Variants in PIK3C2G observed in about 807,000 individuals in gnomAD.
PIK3C2G encodes the protein phosphatidylinositol-4-phosphate 3-kinase catalytic subunit type 2 gamma.
In PIK3C2G, 168 loss-of-function variants were observed where a neutral mutation model predicts 181.1. The observed-to-expected ratio is 0.93, with a 90% confidence interval of 0.82 to 1.05. The LOEUF is 1.05. PIK3C2G is among the 50% of genes least tolerant of loss of function. The pLI is 0.00. For missense variants in PIK3C2G, 1,869 were observed against 1,732.8 expected, an observed-to-expected ratio of 1.08 and a Z score of -1.40; for synonymous variants, 573 against 592.2, an observed-to-expected ratio of 0.97 and a Z score of 0.47.
intron 5 of PIK3C2G, among the ~76,000 whole-genome samples, chr12:18,309,216 C>T (rs187265846): frequency 1.4e-3 from 219 of 151,706 alleles, no homozygotes; most frequent in African/African-American, 4.8e-3. Flanking sequence ...TTTTTTTACC[C>T]ATGCAAGATT....
At chr12:18,710,897 A>G in the PIK3C2G span, among the ~76,000 whole-genome samples, 1 of 152,096 alleles carries the variant, frequency 6.6e-6, no homozygotes, top group Non-Finnish European at 1.5e-5. Flanking sequence ...GGTGCTGGAG[A>G]GGATGTGGAG....
intron 25 of PIK3C2G, among the ~76,000 whole-genome samples, chr12:18,545,637 T>A (rs1394807317): frequency 6.6e-6 from 1 of 151,950 alleles, no homozygotes; most frequent in Non-Finnish European, 1.5e-5. Flanking sequence ...TCCTGATAAT[T>A]GGCAGGAAAA....
intron 18 of PIK3C2G, among the ~76,000 whole-genome samples, chr12:18,484,270 A>G (rs1939830571): frequency 6.6e-6 from 1 of 152,194 alleles, no homozygotes; most frequent in Non-Finnish European, 1.5e-5. Context: ...CAGTGTGGGA[A>G]CAGTGGGAAC....
intron 18 of PIK3C2G, among the ~76,000 whole-genome samples, chr12:18,438,746 G>C (rs1946577104): frequency 6.6e-6 from 1 of 151,788 alleles, no homozygotes; most frequent in South Asian, 2.1e-4. Flanking sequence ...AAGATTTGGA[G>C]AAAAACATAC....
chr12:18,552,877 T>A (rs1944805952), intron 26 of PIK3C2G, among the ~76,000 whole-genome samples: 1 of 152,132 alleles, frequency 6.6e-6, no homozygotes. Context: ...AAATTCCAAG[T>A]CAGGATACAC....
intron 7 of PIK3C2G, among the ~76,000 whole-genome samples, chr12:18,322,473 G>A (rs1180280908): frequency 6.6e-6 from 1 of 151,744 alleles, no homozygotes; most frequent in African/African-American, 2.4e-5. Context: ...TGTTTTTAGT[G>A]ACTATGTTGG....
intron 24 of PIK3C2G, among the ~76,000 whole-genome samples, chr12:18,521,264 T>G (rs950331335): frequency 2.0e-5 from 3 of 152,210 alleles, no homozygotes; most frequent in Admixed American, 2.0e-4. Flanking sequence ...CGAAGCACTT[T>G]GACTGTCCTG....
At chr12:18,460,576 AAAATAAAT>A (rs1230549740) in intron 18 of PIK3C2G, among the ~76,000 whole-genome samples, 1 of 149,800 alleles carries the variant, frequency 6.7e-6, no homozygotes, top group Admixed American at 6.7e-5. Context: ...TCCGTCTCAA[AAAATAAAT>A]AAATAAATAA....
chr12:18,444,245 CCT>C (rs1461238013), intron 18 of PIK3C2G, among the ~76,000 whole-genome samples: 1 of 152,110 alleles, frequency 6.6e-6, no homozygotes, highest in Non-Finnish European at 1.5e-5. Flanking sequence ...ACCTCCTGGG[CCT>C]TTAGTAGTCT....
chr12:18,334,140 G>C (rs978735781), intron 8 of PIK3C2G, among the ~76,000 whole-genome samples: 1 of 152,000 alleles, frequency 6.6e-6, no homozygotes, highest in African/African-American at 2.4e-5. Flanking sequence ...TTAATCCAAA[G>C]AAATTAGAAA....
intron 29 of PIK3C2G, among the ~76,000 whole-genome samples, chr12:18,572,136 T>G (rs1168617677): frequency 7.1e-6 from 1 of 141,188 alleles, no homozygotes; most frequent in African/African-American, 2.9e-5. Context: ...AACCCACTTG[T>G]GTCTTATATT....
chr12:18,681,287 G>A, the PIK3C2G span, among the ~76,000 whole-genome samples: 1 of 151,980 alleles, frequency 6.6e-6, no homozygotes, highest in Non-Finnish European at 1.5e-5. Context: ...AACACGGATG[G>A]CTTCCCTGAG....
intron 16 of PIK3C2G, among the ~76,000 whole-genome samples, chr12:18,404,833 A>G (rs569476408): frequency 1.3e-5 from 2 of 152,264 alleles, no homozygotes; most frequent in East Asian, 3.9e-4. Flanking sequence ...GATTTGTGTT[A>G]TATGTGCACA....
At position 18,538,208 on chromosome 12, in the gene PIK3C2G, G is replaced by T. The variant is rs1313661423; in HGVS notation, c.3376G>T (p.Gly1126Cys). 6.2e-7 allele frequency: 1 copy of T among 1,612,032 alleles called. No individual in the cohort carries two copies. Among genetic ancestry groups the T allele is most frequent in the South Asian group, 1.1e-5 (1 of 90,918 alleles). Residue 1126 changes from glycine (G) to cysteine (C), a missense_variant, in exon 25 of 33, where the codon GGT (glycine) becomes TGT (cysteine). Transcript: ENST00000538779. ...AGAGATGGAATACTTTATTACAGAG[G>T]GTGGGAAAAACCCACAGCATTTTCA... Reference protein sequence around the residue: ...TSEMEYFITEGGKNPQHFQDF... With the variant: ...TSEMEYFITECGKNPQHFQDF...
intron 1 of PIK3C2G, among the ~76,000 whole-genome samples, chr12:18,252,034 C>A (rs1320696587): frequency 6.6e-6 from 1 of 152,042 alleles, no homozygotes; most frequent in Non-Finnish European, 1.5e-5. Context: ...AAGGAACATT[C>A]AGTTAAAAAA....
chr12:18,669,338 C>A, the PIK3C2G span, among the ~76,000 whole-genome samples: 1 of 152,176 alleles, frequency 6.6e-6, no homozygotes, highest in Admixed American at 6.5e-5. Context: ...TACTATGTAG[C>A]AGGCACCACA....
the PIK3C2G span, among the ~76,000 whole-genome samples, chr12:18,713,508 A>G: frequency 6.6e-6 from 1 of 152,180 alleles, no homozygotes. Flanking sequence ...AAGCATGACA[A>G]TACTTGCTCT....
chr12:18,251,205 T>C (rs1199567802), intron 1 of PIK3C2G, among the ~76,000 whole-genome samples: 7 of 152,036 alleles, frequency 4.6e-5, no homozygotes. Flanking sequence ...CCTGAGATTG[T>C]GAGTATTTAT....
At chr12:18,706,159 G>A in the PIK3C2G span, among the ~76,000 whole-genome samples, 3 of 151,732 alleles carry the variant, frequency 2.0e-5, no homozygotes, top group African/African-American at 4.8e-5. Flanking sequence ...CTTGAACCGG[G>A]AGGTGGAGGT....
Sources: gnomAD v4.1 joint callset for allele counts (sites outside exome capture counted in the v4.1 genomes callset) on GRCh38, gnomAD v4.1.1 for gene constraint, MANE v1.5 for transcripts, NCBI Gene and HGNC (gene_info 2026-07-23, HGNC 2026-07-21) for gene names.